The following PRELID2 variants were observed in gnomAD, a reference collection of about 807,000 sequenced individuals.
PRELID2 encodes the protein PRELI domain-containing protein 2.
Under a neutral mutation model 28.4 loss-of-function variants are expected in PRELID2, and 25 were observed. The observed-to-expected ratio is 0.88, with a 90% CI of 0.64 to 1.23. The LOEUF (loss-of-function observed/expected upper bound fraction) is 1.23. PRELID2 is among the 50% of genes most tolerant of loss of function. PRELID2 has a pLI of 0.00. For synonymous variants in PRELID2, 76 were observed against 71.6 expected, an observed-to-expected ratio of 1.06 and a Z score of -0.31; for missense variants, 201 against 214.4, an observed-to-expected ratio of 0.94 and a Z score of 0.39.
the PRELID2 span, among the ~76,000 whole-genome samples, chr5:145,422,294 C>T: frequency 1.3e-5 from 2 of 151,054 alleles, no homozygotes; most frequent in Admixed American, 1.3e-4. Context: ...TCCTTCTTGA[C>T]TTTCTGTCTC....
At chr5:145,666,216 T>G (rs1754591087) in intron 1 of PRELID2, among the ~76,000 whole-genome samples, 1 of 152,086 alleles carries the variant, frequency 6.6e-6, no homozygotes. Context: ...AAGAGATTTC[T>G]TTCCTAATTG....
At chr5:145,364,797 C>T in the PRELID2 span, among the ~76,000 whole-genome samples, 1 of 151,948 alleles carries the variant, frequency 6.6e-6, no homozygotes, top group African/African-American at 2.4e-5. Context: ...TGGTAAAAAG[C>T]ACTGCCACTT....
At chr5:145,254,937 C>A in the PRELID2 span, among the ~76,000 whole-genome samples, 6 of 151,486 alleles carry the variant, frequency 4.0e-5, no homozygotes, top group African/African-American at 1.5e-4. Flanking sequence ...AAAAATGACT[C>A]CACCCACAAT....
chr5:145,763,217 T>C (rs1262508661), intron 6 of PRELID2, among the ~76,000 whole-genome samples: 7 of 152,236 alleles, frequency 4.6e-5, no homozygotes, highest in African/African-American at 1.4e-4. Flanking sequence ...TAAGATGGGA[T>C]CTGTGCCTAA....
chr5:145,305,859 A>C, the PRELID2 span, among the ~76,000 whole-genome samples: 2 of 152,158 alleles, frequency 1.3e-5, no homozygotes, highest in Admixed American at 1.3e-4. Context: ...GCTTCCCCAC[A>C]TCTCTTACCC....
the PRELID2 span, among the ~76,000 whole-genome samples, chr5:145,414,736 C>A: frequency 6.6e-6 from 1 of 152,142 alleles, no homozygotes; most frequent in African/African-American, 2.4e-5. Flanking sequence ...TTAATTCTCT[C>A]AAATGAGTGC....
chr5:145,411,644 G>T, the PRELID2 span, among the ~76,000 whole-genome samples: 1 of 152,160 alleles, frequency 6.6e-6, no homozygotes, highest in Non-Finnish European at 1.5e-5. Context: ...TACCATTCTG[G>T]TGTCTAGAGG....
chr5:145,423,808 C>T, the PRELID2 span, among the ~76,000 whole-genome samples: 7 of 133,174 alleles, frequency 5.3e-5, no homozygotes, highest in African/African-American at 1.7e-4. Context: ...GGAGGAGAGG[C>T]GCTCTGCTTT....
chr5:145,778,410 C>T (rs1179839286), intron 5 of PRELID2, among the ~76,000 whole-genome samples: 1 of 152,190 alleles, frequency 6.6e-6, no homozygotes, highest in African/African-American at 2.4e-5. Context: ...TGGAAAGGGG[C>T]TACACACTGT....
At chr5:145,371,664 T>C in the PRELID2 span, among the ~76,000 whole-genome samples, 224 of 152,200 alleles carry the variant, frequency 1.5e-3, no homozygotes, top group Non-Finnish European at 2.8e-3. Flanking sequence ...TTCAATTCTT[T>C]GGAATAGTTT....
At chr5:145,514,318 C>CAAAAAAAAAAAAAAAAAAAAAAA (rs55760860) in intron 1 of PRELID2, among the ~76,000 whole-genome samples, 5 of 67,486 alleles carry the variant, frequency 7.4e-5, no homozygotes, top group Non-Finnish European at 1.5e-4. Flanking sequence ...AAATGGAAAG[C>CAAAAAAAAAAAAAAAAAAAAAAA]AAAAAAAAAA....
At chr5:145,331,563 G>T in the PRELID2 span, among the ~76,000 whole-genome samples, 1 of 152,080 alleles carries the variant, frequency 6.6e-6, no homozygotes, top group Non-Finnish European at 1.5e-5. Context: ...TTGGTTTAAA[G>T]TCTGTTTTAT....
At chr5:145,380,730 C>A in the PRELID2 span, among the ~76,000 whole-genome samples, 1 of 152,086 alleles carries the variant, frequency 6.6e-6, no homozygotes, top group Non-Finnish European at 1.5e-5. Context: ...GCATTAAATA[C>A]GTTTCAGTTG....
intron 1 of PRELID2, among the ~76,000 whole-genome samples, chr5:145,620,822 TAC>T (rs35013603): frequency 1.3e-4 from 20 of 149,460 alleles, no homozygotes; most frequent in Admixed American, 2.0e-4. Context: ...AAGACCCTGT[TAC>T]ACACACACAC....
At chr5:145,420,203 T>G in the PRELID2 span, among the ~76,000 whole-genome samples, 1 of 152,174 alleles carries the variant, frequency 6.6e-6, no homozygotes, top group Non-Finnish European at 1.5e-5. Flanking sequence ...AGGATTGACT[T>G]GGCGATGCGG....
At chr5:145,645,109 G>C (rs1411617238) in intron 1 of PRELID2, among the ~76,000 whole-genome samples, 1 of 151,576 alleles carries the variant, frequency 6.6e-6, no homozygotes, top group African/African-American at 2.4e-5. Flanking sequence ...AATATTGACA[G>C]TGGGGTGTTA....
intron 1 of PRELID2, among the ~76,000 whole-genome samples, chr5:145,609,081 T>C: frequency 6.6e-6 from 1 of 152,232 alleles, no homozygotes; most frequent in Non-Finnish European, 1.5e-5. Context: ...TATTATGAAA[T>C]TCTTGAAATG....
the PRELID2 span, among the ~76,000 whole-genome samples, chr5:145,374,218 A>T: frequency 6.6e-6 from 1 of 151,632 alleles, no homozygotes; most frequent in East Asian, 1.9e-4. Context: ...TCTGGGAAGG[A>T]TTTTATTTTT....
At chr5:145,613,156 T>C (rs1358310169) in intron 1 of PRELID2, among the ~76,000 whole-genome samples, 1 of 152,180 alleles carries the variant, frequency 6.6e-6, no homozygotes, top group East Asian at 1.9e-4. Flanking sequence ...GGTTTTGATT[T>C]TTTATTATAG....
Sources: allele counts gnomAD v4.1 joint callset (sites outside exome capture counted in the v4.1 genomes callset), GRCh38; gene constraint gnomAD v4.1.1; transcripts MANE v1.5; gene names NCBI Gene and HGNC (gene_info 2026-07-23, HGNC 2026-07-21).